The following MBP variants were observed in gnomAD, a reference collection of about 807,000 sequenced individuals.
MBP encodes the protein Golli-MBP.
A neutral mutation model predicts 35.8 loss-of-function variants in MBP; 16 were observed. The observed-to-expected ratio is 0.45, with a 90% CI of 0.30 to 0.68. MBP has a LOEUF of 0.68. MBP is among the 30% of genes least tolerant of loss of function. The pLI, the probability that MBP is intolerant of heterozygous loss-of-function variation, is 0.08. For synonymous variants in MBP, 143 were observed against 159.6 expected (o/e 0.90, Z 0.78); for missense variants, 380 against 404.7 (o/e 0.94, Z 0.52).
At chr18:77,016,384 G>A (rs897529016) in intron 4 of MBP, 8 of 995,442 alleles carry the variant, frequency 8.0e-6, no homozygotes, top group East Asian at 1.1e-4. Context: ...TATGATTGTC[G>A]CAGAGCAACA....
intron 4 of MBP, among the ~76,000 whole-genome samples, chr18:76,997,042 A>C (rs1970309993): frequency 6.6e-6 from 1 of 152,142 alleles, no homozygotes; most frequent in Admixed American, 6.5e-5. Context: ...ACCTTTGCCT[A>C]GAGCGTCCTC....
intron 3 of MBP, among the ~76,000 whole-genome samples, chr18:77,042,426 C>T (rs1198554664): frequency 6.6e-6 from 1 of 152,232 alleles, no homozygotes; most frequent in Admixed American, 6.5e-5. Flanking sequence ...AACTTTCACA[C>T]TTCCAAAAAC....
At chr18:77,034,610 C>T (rs1254882974) in intron 3 of MBP, among the ~76,000 whole-genome samples, 1 of 152,224 alleles carries the variant, frequency 6.6e-6, no homozygotes, top group Non-Finnish European at 1.5e-5. Flanking sequence ...CCTCTGGGAG[C>T]CAGGGCTGCA....
intron 2 of MBP, among the ~76,000 whole-genome samples, chr18:77,079,952 T>G (rs1974824651): frequency 6.6e-6 from 1 of 152,128 alleles, no homozygotes; most frequent in Non-Finnish European, 1.5e-5. Context: ...CCAACTAGAG[T>G]GCAAGAAGCG....
rs1221008230 is a variant in MBP at position 76,979,084 on chromosome 18, A to AATT, written c.*1340_*1342dup. 6.6e-6 allele frequency: 1 copy of AATT among 152,150 alleles called. No homozygotes were observed. The highest frequency in any genetic ancestry group is 1.5e-5 in the Non-Finnish European group (1 of 68,034). 9.4% of individuals were successfully genotyped at this position (152,150 alleles called of 1,614,324 possible). The stretch of plus-strand genomic sequence containing the variant: ...TATTAAGCCCACACGAAACATTCAG[A>AATT]ATTAGAATTGGATTAAGAAGACGCG... On this transcript the variant is annotated 3_prime_UTR_variant, in exon 9 of 9. Coordinates refer to ENST00000355994, the MANE Select transcript of MBP (RefSeq NM_001025101.2).
At chr18:77,041,684 A>G (rs956582487) in intron 3 of MBP, among the ~76,000 whole-genome samples, 30 of 151,016 alleles carry the variant, frequency 2.0e-4, no homozygotes, top group African/African-American at 6.1e-4. Flanking sequence ...AAGCACAAAA[A>G]ACCAAACACC....
At chr18:77,022,792 C>T (rs781435294) in intron 3 of MBP, among the ~76,000 whole-genome samples, 1 of 152,174 alleles carries the variant, frequency 6.6e-6, no homozygotes, top group Admixed American at 6.5e-5. Flanking sequence ...GCATTTTTGT[C>T]CCCAAAGTAG....
intron 2 of MBP, among the ~76,000 whole-genome samples, chr18:77,098,430 A>G (rs900460799): frequency 6.6e-6 from 1 of 152,178 alleles, no homozygotes; most frequent in African/African-American, 2.4e-5. Context: ...CAGAGTGGGC[A>G]CATAATAAAA....
chr18:77,131,120 C>CA lies in MBP; in HGVS notation c.-26+1459_-26+1460insT, dbSNP rs1491266308. ...ACACACACACACACACACACACACACCCCCTCTGCCGCGGTACCCTTCCCC... is the reference window on the plus strand; with the variant it reads ...ACACACACACACACACACACACACACACCCCTCTGCCGCGGTACCCTTCCCC... On this transcript the variant is annotated intron_variant, in intron 1 of 8. Transcript: ENST00000355994. This position sits in a 1 kb window ranked among gnomAD's most constrained non-coding sequence, Gnocchi z 5.5. Among the ~76,000 whole-genome samples the CA allele has an allele frequency of 0.11, 5,523 of 48,080 alleles. 119 individuals carry two copies. Among genetic ancestry groups the CA allele is most frequent in the Non-Finnish European group, 0.18 (3,250 of 18,368 alleles). The allele number at this position is 48,080 out of a possible 152,430, so 31.5% of individuals were successfully genotyped here. A position where few individuals can be genotyped will look rare whatever the true frequency, so the allele number is the denominator to read the frequency against.
intron 1 of MBP, among the ~76,000 whole-genome samples, chr18:77,121,576 A>G (rs1599280777): frequency 6.6e-6 from 1 of 152,294 alleles, no homozygotes; most frequent in Non-Finnish European, 1.5e-5. Context: ...TCTTGCTTAA[A>G]TCCTCCTGTC....
chr18:77,061,464 A>G (rs1973975356), intron 3 of MBP, among the ~76,000 whole-genome samples: 1 of 152,224 alleles, frequency 6.6e-6, no homozygotes, highest in Admixed American at 6.5e-5. Context: ...AGGTCATTTT[A>G]TGATTACCCC....
intron 4 of MBP, among the ~76,000 whole-genome samples, chr18:77,011,646 C>T (rs568928339): frequency 1.1e-3 from 166 of 152,316 alleles, no homozygotes; most frequent in Admixed American, 0.011. Flanking sequence ...CCAGAGAAGA[C>T]GAAAGGCAAG....
chr18:77,050,569 C>T (rs7232525), intron 3 of MBP, among the ~76,000 whole-genome samples: 31,440 of 152,072 alleles, frequency 0.21, 3,712 homozygotes, highest in South Asian at 0.31. Context: ...ATTTTTGAGA[C>T]GGAGTCTTGC....
chr18:77,122,483 T>C (rs780544664), intron 1 of MBP, among the ~76,000 whole-genome samples: 3 of 151,918 alleles, frequency 2.0e-5, no homozygotes, highest in Non-Finnish European at 4.4e-5. Flanking sequence ...GGAGGCCAAG[T>C]GGGAAGTGAA....
intron 2 of MBP, among the ~76,000 whole-genome samples, chr18:77,103,883 A>G (rs976399812): frequency 2.0e-5 from 3 of 152,394 alleles, no homozygotes; most frequent in East Asian, 3.9e-4. Flanking sequence ...AATCCAGATC[A>G]GACAGAGGAA....
chr18:76,985,195 G>A (rs1969475607), intron 7 of MBP: 3 of 1,448,898 alleles, frequency 2.1e-6, no homozygotes, highest in Non-Finnish European at 2.8e-6. Flanking sequence ...TTAGGGAACA[G>A]TTGCTTACCT....
At chr18:77,118,334 C>T (rs113588682) in intron 1 of MBP, among the ~76,000 whole-genome samples, 160 of 152,002 alleles carry the variant, frequency 1.1e-3, no homozygotes, top group African/African-American at 3.8e-3. Context: ...TGAGCTCCAC[C>T]CACCACCCTC....
At chr18:77,001,615 C>A (rs1415553216) in intron 4 of MBP, among the ~76,000 whole-genome samples, 1 of 152,166 alleles carries the variant, frequency 6.6e-6, no homozygotes, top group Admixed American at 6.5e-5. Flanking sequence ...CTTTGGGAGG[C>A]CAAGGCGGGT....
At chr18:77,069,954 G>A (rs568048210) in intron 2 of MBP, among the ~76,000 whole-genome samples, 5 of 152,254 alleles carry the variant, frequency 3.3e-5, no homozygotes, top group East Asian at 1.9e-4. Flanking sequence ...CACAGGACGC[G>A]TGCAGAAAGT....
Sources: gnomAD v4.1 joint callset for allele counts (sites outside exome capture counted in the v4.1 genomes callset) on GRCh38, gnomAD v4.1.1 for gene constraint, Gnocchi (gnomAD v3.1) non-coding constraint, MANE v1.5 for transcripts, NCBI Gene and HGNC (gene_info 2026-07-23, HGNC 2026-07-21) for gene names.